The following CNTNAP3B variants were observed in gnomAD, a reference collection of about 807,000 sequenced individuals.
CNTNAP3B encodes the protein contactin associated protein family member 3B, also known as contactin-associated protein-like 3B.
CNTNAP3B carries 25 observed loss-of-function variants against 108.9 expected under a neutral mutation model. The observed-to-expected ratio is 0.23, with a 90% CI of 0.17 to 0.32. The LOEUF is 0.32. CNTNAP3B is among the 10% of genes least tolerant of loss of function. CNTNAP3B has a pLI of 1.00. For synonymous variants in CNTNAP3B, 103 were observed against 473.4 expected, an observed-to-expected ratio of 0.22 and a Z score of 10.16; for missense variants, 252 against 1,210.4, an observed-to-expected ratio of 0.21 and a Z score of 11.75.
chr9:41,940,189 A>T (rs1235481236), intron 13 of CNTNAP3B, among the ~76,000 whole-genome samples: 8 of 152,292 alleles, frequency 5.3e-5, no homozygotes, highest in African/African-American at 1.9e-4. Flanking sequence ...AGTACTGAAA[A>T]AATACTGGCT....
rs921925113 is a variant in CNTNAP3B, at chr9:41,950,854, G to A, written c.2080+2329C>T. On this transcript the variant is annotated intron_variant, in intron 13 of 23. Coordinates refer to ENST00000377561, the MANE Select transcript of CNTNAP3B (RefSeq NM_001201380.3). ...CGGCTCACTGCAAGCTCCACCTCCCGGGTTCACGCCATTCTCCTGCGTCAG... is the reference window on the plus strand; with the variant it reads ...CGGCTCACTGCAAGCTCCACCTCCCAGGTTCACGCCATTCTCCTGCGTCAG... Among the ~76,000 whole-genome samples the A allele has an allele frequency of 1.1e-4, 15 of 142,626 alleles. No individual in the cohort carries two copies. The East Asian group carries it at 1.9e-3, about 18-fold the overall frequency. 93.6% of individuals were successfully genotyped at this position (142,626 alleles called of 152,430 possible). A position where few individuals can be genotyped will look rare whatever the true frequency, so the allele number is the denominator to read the frequency against.
At chr9:41,926,856 T>C (rs957862519) in intron 15 of CNTNAP3B, 3 of 152,458 alleles carry the variant, frequency 2.0e-5, no homozygotes, top group African/African-American at 7.2e-5. Context: ...TGGAGAGAAA[T>C]GAAGGGCTGA....
intron 13 of CNTNAP3B, among the ~76,000 whole-genome samples, chr9:41,942,241 C>G (rs1222023165): frequency 6.6e-6 from 1 of 152,336 alleles, no homozygotes; most frequent in African/African-American, 2.4e-5. Flanking sequence ...TTTGGGAGGC[C>G]GAGGCGGGCA....
intron 1 of CNTNAP3B, among the ~76,000 whole-genome samples, chr9:42,127,810 G>A (rs1157761290): frequency 7.2e-6 from 1 of 139,238 alleles, no homozygotes; most frequent in Non-Finnish European, 1.5e-5. Flanking sequence ...ATGAACCCAT[G>A]TGCGTGCCCT....
chr9:41,939,521 A>G, intron 13 of CNTNAP3B, among the ~76,000 whole-genome samples: 1 of 152,296 alleles, frequency 6.6e-6, no homozygotes, highest in African/African-American at 2.4e-5. Flanking sequence ...ACAACGAAAA[A>G]AAGGCAATCT....
At chr9:41,919,617 T>G (rs2117934384) in intron 18 of CNTNAP3B, among the ~76,000 whole-genome samples, 1 of 152,426 alleles carries the variant, frequency 6.6e-6, no homozygotes, top group South Asian at 2.1e-4. Flanking sequence ...TTTGAATCAC[T>G]TAAAGTCACT....
At chr9:41,926,529 A>C (rs1823824272) in intron 15 of CNTNAP3B, 1 of 152,298 alleles carries the variant, frequency 6.6e-6, no homozygotes, top group South Asian at 2.1e-4. Context: ...TGGCATGATC[A>C]TAGTTCACTG....
intron 3 of CNTNAP3B, among the ~76,000 whole-genome samples, chr9:42,043,255 C>A (rs1316301981): frequency 9.2e-6 from 1 of 108,528 alleles, no homozygotes; most frequent in Non-Finnish European, 1.9e-5. Context: ...GCAACCTCCG[C>A]CTCCTGGGTT....
rs533528298 is a variant in CNTNAP3B at position 41,973,696 on chromosome 9, A to T, written c.1478-3451T>A. On this transcript the variant is annotated intron_variant, in intron 9 of 23. Coordinates refer to ENST00000377561, the MANE Select transcript of CNTNAP3B (RefSeq NM_001201380.3). ...TCTATTTCAGGCATGAATGCAAAAA[A>T]CTGCAGGCTATATGCACAACCTGCA... Among the ~76,000 whole-genome samples the T allele has an allele frequency of 5.7e-5, 8 of 139,686 alleles. 1 individual carries two copies. Among genetic ancestry groups the T allele is most frequent in the South Asian group, 2.3e-4 (1 of 4,330 alleles). The allele number at this position is 139,686 out of a possible 152,430, so 91.6% of individuals were successfully genotyped here.
At position 41,934,140 on chromosome 9, in the gene CNTNAP3B, T is replaced by C. The variant is rs373027776; in HGVS notation, c.2237+4104A>G. ...ATATATATACACACACATATATATATACACACACATATATATACACACACA... is the reference window on the plus strand; with the variant it reads ...ATATATATACACACACATATATATACACACACACATATATATACACACACA... On this transcript the variant is annotated intron_variant, in intron 14 of 23. Coordinates refer to ENST00000377561, the MANE Select transcript of CNTNAP3B (RefSeq NM_001201380.3). 3.0e-3 allele frequency among the ~76,000 whole-genome samples: 344 copies of C among 113,220 alleles called. 2 individuals are homozygous for C. The highest frequency in any genetic ancestry group is 8.1e-3 in the South Asian group (30 of 3,722). The allele number at this position is 113,220 out of a possible 152,430, so 74.3% of individuals were successfully genotyped here.
intron 13 of CNTNAP3B, among the ~76,000 whole-genome samples, chr9:41,942,955 A>T (rs1048596247): frequency 2.0e-4 from 30 of 152,250 alleles, no homozygotes; most frequent in Non-Finnish European, 3.8e-4. Flanking sequence ...GGCTTTCAAC[A>T]GAAAATTGCA....
chr9:42,118,625 A>G (rs1251789369), intron 1 of CNTNAP3B, among the ~76,000 whole-genome samples: 3 of 116,420 alleles, frequency 2.6e-5, no homozygotes, highest in African/African-American at 7.0e-5. Flanking sequence ...ACAAGACAGG[A>G]TGCCCTCTCT....
chr9:41,928,427 G>A (rs571718645), intron 15 of CNTNAP3B, among the ~76,000 whole-genome samples: 10 of 152,026 alleles, frequency 6.6e-5, no homozygotes, highest in East Asian at 1.9e-4. Flanking sequence ...GAGACAAGCC[G>A]GTCCCCGCCC....
intron 11 of CNTNAP3B, among the ~76,000 whole-genome samples, chr9:41,962,763 G>A (rs1334534720): frequency 3.9e-5 from 6 of 152,026 alleles, no homozygotes; most frequent in East Asian, 1.9e-4. Flanking sequence ...AGACCATCCC[G>A]GCTAACATGG....
chr9:42,067,628 CA>C (rs1827300730), intron 3 of CNTNAP3B, among the ~76,000 whole-genome samples: 1 of 148,658 alleles, frequency 6.7e-6, no homozygotes, highest in South Asian at 2.1e-4. Context: ...TTCTTGTTCT[CA>C]AAGGCAACTC....
intron 1 of CNTNAP3B, among the ~76,000 whole-genome samples, chr9:42,123,849 G>T (rs1828512228): frequency 7.9e-6 from 1 of 126,906 alleles, no homozygotes; most frequent in Non-Finnish European, 1.6e-5. Flanking sequence ...CATATACTGA[G>T]TTATAAGGCA....
At chr9:41,987,882 TA>T (rs1825736967) in intron 8 of CNTNAP3B, among the ~76,000 whole-genome samples, 1 of 132,298 alleles carries the variant, frequency 7.6e-6, no homozygotes, top group African/African-American at 2.7e-5. Context: ...GAAATTTTCC[TA>T]TAAAGTTAAC....
intron 13 of CNTNAP3B, among the ~76,000 whole-genome samples, chr9:41,940,150 C>CA (rs1354417772): frequency 6.6e-6 from 1 of 152,280 alleles, no homozygotes; most frequent in Non-Finnish European, 1.5e-5. Context: ...ATCCGAATCT[C>CA]AAAAAGAGAG....
intron 2 of CNTNAP3B, among the ~76,000 whole-genome samples, chr9:42,101,768 G>A (rs1828005121): frequency 1.6e-5 from 2 of 124,514 alleles, no homozygotes; most frequent in Non-Finnish European, 3.3e-5. Context: ...CTGACCCTTA[G>A]CCTCTTAAAT....
Sources: gnomAD v4.1 joint callset for allele counts (sites outside exome capture counted in the v4.1 genomes callset) on GRCh38, gnomAD v4.1.1 for gene constraint, MANE v1.5 for transcripts, NCBI Gene and HGNC (gene_info 2026-07-23, HGNC 2026-07-21) for gene names.